WASF3: variants seen among roughly 807,000 people sequenced by gnomAD.
WASF3 encodes actin-binding protein WASF3.
Under a neutral mutation model 46.6 loss-of-function variants are expected in WASF3, and 11 were observed. The observed-to-expected ratio is 0.24, with a 90% confidence interval of 0.15 to 0.39. WASF3 has a LOEUF of 0.39. Among genes scored for constraint, WASF3 ranks in the 10% least tolerant of loss-of-function variants. The probability of loss-of-function intolerance (pLI) is 1.00; values close to 1 mark genes in which losing one functional copy is unlikely to be tolerated. For synonymous variants in WASF3, 242 were observed against 259.7 expected (o/e 0.93, Z 0.65); for missense variants, 576 against 669.8 (o/e 0.86, Z 1.55).
chr13:26,594,637 G>A (rs367584711), intron 1 of WASF3, among the ~76,000 whole-genome samples: 3 of 152,236 alleles, frequency 2.0e-5, no homozygotes, highest in East Asian at 3.9e-4. Flanking sequence ...TCCCTGGAAC[G>A]CCTGTTTTCT....
intron 1 of WASF3, among the ~76,000 whole-genome samples, chr13:26,603,787 G>T (rs1179306970): frequency 1.3e-5 from 2 of 152,206 alleles, no homozygotes; most frequent in Non-Finnish European, 2.9e-5. Context: ...AAAGCTAAGG[G>T]TAATGCCCTG....
At chr13:26,573,312 G>T (rs531459763) in intron 1 of WASF3, among the ~76,000 whole-genome samples, 5 of 151,940 alleles carry the variant, frequency 3.3e-5, no homozygotes, top group African/African-American at 1.2e-4. Context: ...TTTTGTATTT[G>T]TGCATTTGCT....
intron 7 of WASF3, among the ~76,000 whole-genome samples, chr13:26,677,702 G>A (rs1883108215): frequency 6.6e-6 from 1 of 152,094 alleles, no homozygotes; most frequent in Non-Finnish European, 1.5e-5. Context: ...GAGAATTATT[G>A]GAGCTTTAAC....
intron 1 of WASF3, among the ~76,000 whole-genome samples, chr13:26,580,917 A>G (rs1593378061): frequency 7.1e-6 from 1 of 141,008 alleles, no homozygotes. Context: ...GAGCCACTGC[A>G]CCCAGCATAA....
chr13:26,643,571 A>G (rs1328265689), intron 3 of WASF3, among the ~76,000 whole-genome samples: 1 of 152,244 alleles, frequency 6.6e-6, no homozygotes, highest in Non-Finnish European at 1.5e-5. Context: ...ATTGATAAAA[A>G]TATACAAATT....
intron 3 of WASF3, among the ~76,000 whole-genome samples, chr13:26,664,255 G>C (rs674154): frequency 0.98 from 149,313 of 152,358 alleles, 73,236 homozygotes; most frequent in East Asian, 1. Flanking sequence ...TGGTAGGTAT[G>C]TCTGTCAGAA....
chr13:26,578,958 G>A (rs1456534763), intron 1 of WASF3, among the ~76,000 whole-genome samples: 1 of 132,972 alleles, frequency 7.5e-6, no homozygotes, highest in Non-Finnish European at 1.6e-5. Flanking sequence ...GATTTTTGGA[G>A]ATTAAGCTAA....
Position 26,642,342 on chromosome 13 carries a change from C to T in WASF3, c.72C>T (p.Ser24=), listed in dbSNP as rs137856558. Residue 24 remains serine, a synonymous_variant, in exon 3 of 10, where the codon AGC becomes AGT. Transcript: ENST00000335327. Reference sequence around the variant, plus strand: ...GAGCTCTGCCTGAAGGGATTACCAGCGAACTTGAATGTGTAACCAATAGTA... The same window carrying T: ...GAGCTCTGCCTGAAGGGATTACCAGTGAACTTGAATGTGTAACCAATAGTA... The part of the protein sequence containing the change: ...CRGALPEGIT[S]ELECVTNSTL... The T allele has an allele frequency of 3.2e-5, 51 of 1,612,114 alleles. No homozygotes were observed. The highest frequency in any genetic ancestry group is 3.1e-4 in the African/African-American group (23 of 74,840).
intron 2 of WASF3, among the ~76,000 whole-genome samples, chr13:26,633,141 T>G (rs2137264873): frequency 6.6e-6 from 1 of 151,860 alleles, no homozygotes; most frequent in Non-Finnish European, 1.5e-5. Flanking sequence ...ATTCATTGAT[T>G]TTTTGAAGGA....
intron 3 of WASF3, among the ~76,000 whole-genome samples, chr13:26,651,503 A>G (rs1250501952): frequency 6.6e-6 from 1 of 152,236 alleles, no homozygotes; most frequent in African/African-American, 2.4e-5. Flanking sequence ...TGCTAAAAGG[A>G]AGAAACTTGT....
At chr13:26,606,687 T>C (rs1880810265) in intron 1 of WASF3, 1 of 152,078 alleles carries the variant, frequency 6.6e-6, no homozygotes, top group African/African-American at 2.4e-5. Context: ...CAATATTTAG[T>C]TGGTGATAAG....
At chr13:26,578,993 C>CTTTTTT (rs200299739) in intron 1 of WASF3, among the ~76,000 whole-genome samples, 4,110 of 60,222 alleles carry the variant, frequency 0.068, 601 homozygotes, top group African/African-American at 0.08. Context: ...GATACATTTC[C>CTTTTTT]TTTTTTTTTT....
rs1327434461 is a variant in WASF3 at position 26,628,387 on chromosome 13, G to C, written c.-10-13874G>C. 2.0e-5 allele frequency among the ~76,000 whole-genome samples: 3 copies of C among 152,198 alleles called. No homozygotes were observed. The South Asian group carries it at 6.2e-4, about 32-fold the overall frequency. On this transcript the variant is annotated intron_variant, in intron 2 of 9. Coordinates refer to ENST00000335327, the MANE Select transcript of WASF3 (RefSeq NM_006646.6). ...AGAAAGAGTTTGCAGTAAGAGGTTAGACACACTAGCAAGTGTCAGCAGGTG... is the reference window on the plus strand; with the variant it reads ...AGAAAGAGTTTGCAGTAAGAGGTTACACACACTAGCAAGTGTCAGCAGGTG...
intron 1 of WASF3, among the ~76,000 whole-genome samples, chr13:26,588,546 T>G (rs577376999): frequency 6.6e-6 from 1 of 152,344 alleles, no homozygotes; most frequent in Admixed American, 6.5e-5. Context: ...CCAAATCGGC[T>G]TCTGTTTCAG....
At chr13:26,583,070 G>C (rs1880031381) in intron 1 of WASF3, among the ~76,000 whole-genome samples, 1 of 152,162 alleles carries the variant, frequency 6.6e-6, no homozygotes, top group Non-Finnish European at 1.5e-5. Flanking sequence ...GGTCTTAGTG[G>C]AAAGATAGCA....
At chr13:26,602,151 C>A (rs1356831568) in intron 1 of WASF3, among the ~76,000 whole-genome samples, 1 of 152,170 alleles carries the variant, frequency 6.6e-6, no homozygotes, top group South Asian at 2.1e-4. Flanking sequence ...CAGAGCTTTT[C>A]GATGGTAGTT....
intron 3 of WASF3, 56 bp from the exon 4 acceptor site, chr13:26,664,971 AG>A: frequency 6.3e-7 from 1 of 1,587,758 alleles, no homozygotes; most frequent in Non-Finnish European, 8.6e-7. Context: ...AGGATGTGTG[AG>A]GGCCGCTTCA....
At chr13:26,567,963 T>C (rs539260081) in intron 1 of WASF3, among the ~76,000 whole-genome samples, 145 of 152,010 alleles carry the variant, frequency 9.5e-4, no homozygotes, top group African/African-American at 3.3e-3. Context: ...GTGAACCAGC[T>C]AGGCAAATAT....
At chr13:26,559,023 T>C (rs1393278144) in intron 1 of WASF3, among the ~76,000 whole-genome samples, 1 of 152,234 alleles carries the variant, frequency 6.6e-6, no homozygotes, top group Non-Finnish European at 1.5e-5. Context: ...ATATGTGCTT[T>C]ACCCAACTCT....
Sources: gnomAD v4.1 joint callset for allele counts (sites outside exome capture counted in the v4.1 genomes callset) on GRCh38, gnomAD v4.1.1 for gene constraint, MANE v1.5 for transcripts, NCBI Gene and HGNC (gene_info 2026-07-23, HGNC 2026-07-21) for gene names.